The following ASXL3 variants were observed in gnomAD, a reference collection of about 807,000 sequenced individuals.
ASXL3 encodes the protein ASXL transcriptional regulator 3, also known as putative Polycomb group protein ASXL3.
Under a neutral mutation model 170.6 loss-of-function variants are expected in ASXL3, and 34 were observed. That is an observed-to-expected ratio of 0.20 (90% CI 0.15 to 0.27). The LOEUF (loss-of-function observed/expected upper bound fraction) is 0.27. Among genes scored for constraint, ASXL3 ranks in the 10% least tolerant of loss-of-function variants. The probability of loss-of-function intolerance (pLI) is 1.00; values close to 1 mark genes in which losing one functional copy is unlikely to be tolerated. For synonymous variants in ASXL3, 1,002 were observed against 989.1 expected (o/e 1.01, Z -0.24); for missense variants, 2,592 against 2,695.3 (o/e 0.96, Z 0.85).
intron 8 of ASXL3, among the ~76,000 whole-genome samples, chr18:33,710,215 C>A (rs1014359343): frequency 6.6e-6 from 1 of 152,122 alleles, no homozygotes; most frequent in African/African-American, 2.4e-5. Context: ...AAGATCAGAT[C>A]GCACCACTGT....
In ASXL3 at chr18:33,748,486, T is replaced by C. The variant is rs1568372645; in HGVS notation, c.*1891T>C. ...GTGCTTCAGTACTGTCATTTCTGTT[T>C]TTCACAGTAAAATTGGCAAAACTAA... On this transcript the variant is annotated 3_prime_UTR_variant, in exon 12 of 12. Coordinates refer to ENST00000269197, the MANE Select transcript of ASXL3 (RefSeq NM_030632.3). The C allele has an allele frequency of 6.6e-6, 1 of 152,182 alleles. No homozygotes were observed. The highest frequency in any genetic ancestry group is 1.5e-5 in the Non-Finnish European group (1 of 68,028). 9.4% of individuals were successfully genotyped at this position (152,182 alleles called of 1,614,324 possible).
At chr18:33,701,128 A>G (rs1000273503) in intron 8 of ASXL3, among the ~76,000 whole-genome samples, 3 of 152,020 alleles carry the variant, frequency 2.0e-5, no homozygotes, top group Non-Finnish European at 4.4e-5. Context: ...GTCTAGTTAA[A>G]GAATATATTC....
rs1436143379 is a variant in ASXL3 at position 33,683,538 on chromosome 18, C to T, written c.849C>T (p.Leu283=). The T allele has an allele frequency of 9.3e-6, 15 of 1,612,978 alleles. No individual in the cohort carries two copies. The highest frequency in any genetic ancestry group is 1.3e-5 in the African/African-American group (1 of 74,896). The change falls in exon 8 of 12, where the codon CTC becomes CTT. Residue 283 remains leucine (L), a synonymous_variant. Coordinates refer to ENST00000269197, the MANE Select transcript of ASXL3 (RefSeq NM_030632.3). ...ASLPQHFQQY[L]LLLLPEVDRQ... ...TACCTCAGCATTTTCAACAATACCT[C>T]CTGCTTTTGCTCCCAGAAGTGGATA... is the stretch of plus-strand genomic sequence containing the variant.
At chr18:33,676,093 A>G (rs537150476) in intron 7 of ASXL3, among the ~76,000 whole-genome samples, 50 of 151,628 alleles carry the variant, frequency 3.3e-4, no homozygotes, top group East Asian at 7.8e-4. Context: ...GTATGGTGGC[A>G]GGCACCTGTA....
chr18:33,597,701 T>C (rs953409676), intron 1 of ASXL3, among the ~76,000 whole-genome samples: 2 of 152,022 alleles, frequency 1.3e-5, no homozygotes, highest in Non-Finnish European at 2.9e-5. Context: ...AGGCATGGAT[T>C]TGAATCCCAG....
chr18:33,666,271 G>A (rs2066254416), intron 5 of ASXL3, among the ~76,000 whole-genome samples: 1 of 152,130 alleles, frequency 6.6e-6, no homozygotes, highest in Admixed American at 6.5e-5. Context: ...AGTTGGAGGT[G>A]TCTCATTTAT....
At position 33,591,680 on chromosome 18, in the gene ASXL3, C is replaced by T. The variant is rs568816064; in HGVS notation, c.54+12995C>T. On this transcript the variant is annotated intron_variant, in intron 1 of 11. Transcript: ENST00000269197. ...TTTTTTAAACGAAGTCTTTCTCTGT[C>T]GCCCAGGCTGGAGTGCAGTGGCGCG... Among the ~76,000 whole-genome samples the T allele has an allele frequency of 6.0e-5, 9 of 150,386 alleles. No individual in the cohort carries two copies. In the East Asian group the frequency reaches 1.2e-3, roughly 20 times the overall value.
chr18:33,710,887 G>A (rs2067049369), intron 8 of ASXL3, among the ~76,000 whole-genome samples: 1 of 151,826 alleles, frequency 6.6e-6, no homozygotes, highest in African/African-American at 2.4e-5. Flanking sequence ...TTTGTTTGGG[G>A]GGGAACAAAG....
chr18:33,742,168 G>C (rs1483992767), intron 11 of ASXL3, among the ~76,000 whole-genome samples: 2 of 152,212 alleles, frequency 1.3e-5, no homozygotes, highest in Non-Finnish European at 2.9e-5. Context: ...TTGGAAAACA[G>C]AACACGCTGA....
chr18:33,714,781 A>G (rs2067136639), intron 8 of ASXL3, among the ~76,000 whole-genome samples: 1 of 151,904 alleles, frequency 6.6e-6, no homozygotes. Flanking sequence ...ACACACATGA[A>G]TTCATACTAG....
At chr18:33,637,776 T>C (rs1489887801) in intron 2 of ASXL3, among the ~76,000 whole-genome samples, 1 of 152,148 alleles carries the variant, frequency 6.6e-6, no homozygotes, top group Non-Finnish European at 1.5e-5. Context: ...CATGATATGT[T>C]TGTACATGAT....
chr18:33,730,667 C>T (rs1033211738), intron 8 of ASXL3, among the ~76,000 whole-genome samples: 16 of 152,076 alleles, frequency 1.1e-4, no homozygotes, highest in African/African-American at 2.2e-4. Context: ...GTGAAAAGCA[C>T]GTACAAGGAC....
chr18:33,617,570 A>G (rs901267424), intron 2 of ASXL3, among the ~76,000 whole-genome samples: 2 of 152,192 alleles, frequency 1.3e-5, no homozygotes, highest in Non-Finnish European at 2.9e-5. Context: ...TTTGGTAAAA[A>G]TAGCTGTGGT....
Position 33,739,257 on chromosome 18 carries a change from C to T in ASXL3, c.1853C>T (p.Pro618Leu). 6.2e-7 allele frequency: 1 copy of T among 1,613,742 alleles called. No individual in the cohort carries two copies. The highest frequency in any genetic ancestry group is 8.5e-7 in the Non-Finnish European group (1 of 1,179,800). Residue 618 changes from proline (P) to leucine (L), a missense_variant, in exon 11 of 12, where the codon CCA (proline) becomes CTA (leucine). Pro to Leu is a moderately conservative substitution (Grantham distance 98, BLOSUM62 -3). Coordinates refer to ENST00000269197, the MANE Select transcript of ASXL3 (RefSeq NM_030632.3). ...GAAACGTCCTTTTCTTCTGAGAGCC[C>T]AGAGGGAGCCTGTACCAGCCTGCCT... ...ISETSFSSES[P>L]EGACTSLPSP...
Position 33,745,154 on chromosome 18 carries a change from T to G in ASXL3, c.5306T>G (p.Leu1769Trp). The change falls in exon 12 of 12, where the codon TTG becomes TGG. Residue 1769 changes from leucine (L) to tryptophan (W), a missense_variant. Around this residue, in one of 4 missense-constraint regions of ASXL3, gnomAD observed 2,246 missense variants for 2,219.6 expected, o/e 1.01. Coordinates refer to ENST00000269197, the MANE Select transcript of ASXL3 (RefSeq NM_030632.3). ...GAAAAAGTGTTGCCACAGCCCAGAT[T>G]GGGAGCCAAGCTTGAAATCAACAGG... Reference protein sequence around the residue: ...PLEKVLPQPRLGAKLEINRLP... With the variant: ...PLEKVLPQPRWGAKLEINRLP... The G allele has an allele frequency of 6.2e-7, 1 of 1,613,996 alleles. No homozygotes were observed. Among genetic ancestry groups the G allele is most frequent in the Non-Finnish European group, 8.5e-7 (1 of 1,179,884 alleles).
chr18:33,739,645 A>C lies in ASXL3; in HGVS notation c.2241A>C (p.Pro747=). 6.2e-7 allele frequency: 1 copy of C among 1,613,860 alleles called. No homozygotes were observed. The highest frequency in any genetic ancestry group is 8.5e-7 in the Non-Finnish European group (1 of 1,179,830). ...TSETTFVSSL[P]LPSETSPISN... is the part of the protein sequence containing the mutation. ...AGACCACTTTTGTATCCAGTTTGCCACTTCCTTCAGAAACATCTCCAATTT... is the reference window on the plus strand; with the variant it reads ...AGACCACTTTTGTATCCAGTTTGCCCCTTCCTTCAGAAACATCTCCAATTT... The change falls in exon 11 of 12, where the codon CCA becomes CCC. Residue 747 remains proline (P), a synonymous_variant. Transcript: ENST00000269197.
chr18:33,726,323 A>C (rs1210122518), intron 8 of ASXL3, among the ~76,000 whole-genome samples: 1 of 152,096 alleles, frequency 6.6e-6, no homozygotes, highest in Non-Finnish European at 1.5e-5. Flanking sequence ...CCAAGCTACT[A>C]TCATTTTTTT....
chr18:33,662,244 C>T (rs541086752), intron 5 of ASXL3, among the ~76,000 whole-genome samples: 1 of 152,138 alleles, frequency 6.6e-6, no homozygotes, highest in African/African-American at 2.4e-5. Flanking sequence ...ATTATTCTGC[C>T]GTCACAGAGG....
rs777813736 is a variant in ASXL3, at chr18:33,743,142, T to C, written c.3294T>C (p.Thr1098=). The C allele has an allele frequency of 6.2e-7, 1 of 1,613,898 alleles. No homozygotes were observed. The highest frequency in any genetic ancestry group is 1.1e-5 in the South Asian group (1 of 91,076). Residue 1098 remains threonine, a synonymous_variant, in exon 12 of 12, where the codon ACT becomes ACC. Coordinates refer to ENST00000269197, the MANE Select transcript of ASXL3 (RefSeq NM_030632.3). ...GSPGEGGKTR[T]LAHIKEQTKA... is the part of the protein sequence containing the mutation. ...CAGGAGAGGGTGGAAAGACGAGAAC[T>C]CTGGCACACATCAAAGAGCAGACAA... is the stretch of plus-strand genomic sequence containing the variant.
Sources: gnomAD v4.1 joint callset for allele counts (sites outside exome capture counted in the v4.1 genomes callset) on GRCh38, gnomAD v4.1.1 for gene constraint, gnomAD v4.1.1 regional missense constraint, MANE v1.5 for transcripts, NCBI Gene and HGNC (gene_info 2026-07-23, HGNC 2026-07-21) for gene names.